Variants in SPTBN1 observed in about 807,000 individuals in gnomAD.
The protein encoded by SPTBN1 is spectrin beta, non-erythrocytic 1.
Under a neutral mutation model 266.4 loss-of-function variants are expected in SPTBN1, and 32 were observed. The ratio of observed to expected loss-of-function variants is 0.12; its 90% CI spans 0.09 to 0.16. The LOEUF (loss-of-function observed/expected upper bound fraction) is 0.16, where lower values mean the gene tolerates loss of function less well. Among genes scored for constraint, SPTBN1 ranks in the 10% least tolerant of loss-of-function variants. The probability of loss-of-function intolerance (pLI) is 1.00; values close to 1 mark genes in which losing one functional copy is unlikely to be tolerated. For missense variants in SPTBN1, 2,296 were observed against 3,067.1 expected (o/e 0.75, Z 5.94); for synonymous variants, 1,336 against 1,162.2 (o/e 1.15, Z -3.04).
Position 54,631,595 on chromosome 2 carries a change from C to T in SPTBN1, c.3548C>T (p.Ala1183Val), listed in dbSNP as rs777518479. ...CTCAGAGACACGAAGCAAGCCGAAGCCTTTCTTAACAACCAGGTAAGGTTT... is the reference window on the plus strand; with the variant it reads ...CTCAGAGACACGAAGCAAGCCGAAGTCTTTCTTAACAACCAGGTAAGGTTT... ...QFLRDTKQAE[A>V]FLNNQEYVLA... Residue 1183 changes from alanine to valine, a missense_variant, in exon 16 of 36, where the codon GCC (alanine) becomes GTC (valine). Coordinates refer to ENST00000356805, the MANE Select transcript of SPTBN1 (RefSeq NM_003128.3). 1 of 1,611,030 alleles carries T rather than the reference C, an allele frequency of 6.2e-7. No homozygotes were observed. Among genetic ancestry groups the T allele is most frequent in the South Asian group, 1.1e-5 (1 of 91,046 alleles).
intron 32 of SPTBN1, chr2:54,663,870 C>G (rs2104245292): frequency 6.6e-6 from 1 of 152,318 alleles, no homozygotes; most frequent in African/African-American, 2.4e-5. Context: ...ATGTGAAATG[C>G]ATGATTGTCG....
intron 1 of SPTBN1, among the ~76,000 whole-genome samples, chr2:54,473,850 C>T (rs1389057747): frequency 6.6e-6 from 1 of 152,194 alleles, no homozygotes; most frequent in Non-Finnish European, 1.5e-5. Context: ...TCTGTCTCCT[C>T]GTCTGTATGC....
rs745994041 is a variant in SPTBN1 at position 54,649,913 on chromosome 2, G to C, written c.5501G>C (p.Arg1834Thr). 2 of 1,614,104 alleles carry C rather than the reference G, an allele frequency of 1.2e-6. No individual in the cohort carries two copies. Reference sequence around the variant, plus strand: ...AAGAAACTCCCTGAGGAGCTTGGGAGAGATCAGAACACAGTGGAGACCTTA... The same window carrying C: ...AAGAAACTCCCTGAGGAGCTTGGGACAGATCAGAACACAGTGGAGACCTTA... ...KHKKLPEELGRDQNTVETLQR... is the reference protein window; with the variant it reads ...KHKKLPEELGTDQNTVETLQR... Residue 1834 changes from arginine (R) to threonine (T), a missense_variant, in exon 26 of 36, where the codon AGA (arginine) becomes ACA (threonine). Around this residue, in one of 12 missense-constraint regions of SPTBN1, gnomAD observed 644 missense variants for 745.3 expected, o/e 0.86. Coordinates refer to ENST00000356805, the MANE Select transcript of SPTBN1 (RefSeq NM_003128.3). The surrounding 1 kb of genome is among the most constrained non-coding windows in gnomAD (Gnocchi z 6.7).
chr2:54,632,290 G>A (rs915919712), intron 16 of SPTBN1, among the ~76,000 whole-genome samples: 7 of 152,114 alleles, frequency 4.6e-5, no homozygotes, highest in South Asian at 2.1e-4. Flanking sequence ...TGATAGGCAC[G>A]TGAGAGGACC....
chr2:54,487,820 C>T (rs1668482513), intron 1 of SPTBN1, among the ~76,000 whole-genome samples: 1 of 67,348 alleles, frequency 1.5e-5, no homozygotes, highest in African/African-American at 4.9e-5. Context: ...ACTTGATGGT[C>T]TCCTCCTGTG....
intron 1 of SPTBN1, among the ~76,000 whole-genome samples, chr2:54,466,613 T>G: frequency 7.0e-6 from 1 of 143,064 alleles, no homozygotes; most frequent in African/African-American, 2.5e-5. Flanking sequence ...AAAAAGTATG[T>G]TTATTCTTAG....
chr2:54,611,774 A>G (rs1012530153), intron 3 of SPTBN1, among the ~76,000 whole-genome samples: 1 of 152,066 alleles, frequency 6.6e-6, no homozygotes, highest in African/African-American at 2.4e-5. Context: ...CTAATTTTAC[A>G]TTCCAAGTAA....
intron 2 of SPTBN1, among the ~76,000 whole-genome samples, chr2:54,579,259 C>T (rs1183751457): frequency 1.3e-5 from 2 of 152,140 alleles, no homozygotes; most frequent in Non-Finnish European, 2.9e-5. Flanking sequence ...TGAAGTATAA[C>T]AGCTTCCGTT....
intron 2 of SPTBN1, among the ~76,000 whole-genome samples, chr2:54,574,700 G>C (rs758675511): frequency 6.6e-6 from 1 of 152,164 alleles, no homozygotes; most frequent in South Asian, 2.1e-4. Flanking sequence ...ATGAGAGCTC[G>C]ATCAGTGCAG....
chr2:54,496,459 A>G (rs962615522), intron 1 of SPTBN1, among the ~76,000 whole-genome samples: 1 of 150,824 alleles, frequency 6.6e-6, no homozygotes, highest in Non-Finnish European at 1.5e-5. Flanking sequence ...AAAAAAAAAA[A>G]GTATGAATAA....
intron 3 of SPTBN1, among the ~76,000 whole-genome samples, chr2:54,610,485 A>G (rs1252387998): frequency 6.6e-6 from 1 of 152,122 alleles, no homozygotes; most frequent in Non-Finnish European, 1.5e-5. Flanking sequence ...GGCTGGTCTC[A>G]AACTCCTGGG....
intron 1 of SPTBN1, among the ~76,000 whole-genome samples, chr2:54,460,389 G>A (rs889273705): frequency 2.6e-5 from 4 of 151,992 alleles, no homozygotes; most frequent in African/African-American, 9.7e-5. Context: ...TTTAATTCTT[G>A]GTGGAAGAGT....
At chr2:54,565,373 C>T (rs1180557787) in intron 2 of SPTBN1, among the ~76,000 whole-genome samples, 1 of 152,130 alleles carries the variant, frequency 6.6e-6, no homozygotes, top group Non-Finnish European at 1.5e-5. Flanking sequence ...ATTAGCTACT[C>T]AGGAATGGAC....
intron 1 of SPTBN1, among the ~76,000 whole-genome samples, chr2:54,466,396 A>ATTTT (rs1693633032): frequency 3.8e-5 from 1 of 26,000 alleles, no homozygotes; most frequent in African/African-American, 6.6e-4. Flanking sequence ...CCCCGTCTCT[A>ATTTT]CTAAAAATAC....
intron 1 of SPTBN1, among the ~76,000 whole-genome samples, chr2:54,518,172 A>C (rs1253884995): frequency 2.0e-5 from 3 of 151,926 alleles, no homozygotes; most frequent in Non-Finnish European, 4.4e-5. Flanking sequence ...AGCCCCATGT[A>C]CCTGAGTAAT....
rs901152887 is a variant in SPTBN1 at position 54,660,395 on chromosome 2, G to T, written c.6420+396G>T. 11 of 1,121,222 alleles carry T rather than the reference G, an allele frequency of 9.8e-6. No individual in the cohort carries two copies. The African/African-American group carries it at 1.6e-4, about 16-fold the overall frequency. The allele number at this position is 1,121,222 out of a possible 1,614,324, so 69.5% of individuals were successfully genotyped here. On this transcript the variant is annotated intron_variant, in intron 32 of 35. Coordinates refer to ENST00000356805, the MANE Select transcript of SPTBN1 (RefSeq NM_003128.3). ...TACAGCATAATGAAGAAGAAAACTA[G>T]AATCTAACAGGTATGACACATTCAG...
intron 1 of SPTBN1, among the ~76,000 whole-genome samples, chr2:54,486,962 C>T (rs1426847966): frequency 6.6e-6 from 1 of 151,988 alleles, no homozygotes; most frequent in African/African-American, 2.4e-5. Context: ...GAGTCATTTA[C>T]GTGAGATCAT....
chr2:54,651,828 A>G (rs1572757341), intron 26 of SPTBN1, among the ~76,000 whole-genome samples: 2 of 152,372 alleles, frequency 1.3e-5, no homozygotes, highest in Non-Finnish European at 2.9e-5. Context: ...GAATATTTCC[A>G]AAAATCCTTT....
chr2:54,486,646 G>C (rs1320569823), intron 1 of SPTBN1, among the ~76,000 whole-genome samples: 1 of 151,412 alleles, frequency 6.6e-6, no homozygotes, highest in Non-Finnish European at 1.5e-5. Flanking sequence ...TTTATCTGCT[G>C]ACCTTCCCTC....
Sources: allele counts gnomAD v4.1 joint callset (sites outside exome capture counted in the v4.1 genomes callset), GRCh38; gene constraint gnomAD v4.1.1; regional missense constraint gnomAD v4.1.1; non-coding constraint Gnocchi (gnomAD v3.1); transcripts MANE v1.5; gene names NCBI Gene and HGNC (gene_info 2026-07-23, HGNC 2026-07-21).